The following CHIC2 variants were observed in gnomAD, a reference collection of about 807,000 sequenced individuals.
The protein encoded by CHIC2 is cysteine rich hydrophobic domain 2, also known as cysteine-rich hydrophobic domain-containing protein 2.
CHIC2 carries 14 observed loss-of-function variants against 25.9 expected under a neutral mutation model. The ratio of observed to expected loss-of-function variants is 0.54; its 90% confidence interval spans 0.36 to 0.85. The LOEUF is 0.85. Among genes scored for constraint, CHIC2 ranks in the 40% least tolerant of loss-of-function variants. The probability of loss-of-function intolerance (pLI) is 0.01; values close to 1 mark genes in which losing one functional copy is unlikely to be tolerated. For synonymous variants in CHIC2, 70 were observed against 72.0 expected (o/e 0.97, Z 0.14); for missense variants, 146 against 202.0 (o/e 0.72, Z 1.68).
chr4:54,019,475 G>A (rs765912967), intron 3 of CHIC2, among the ~76,000 whole-genome samples: 3 of 151,996 alleles, frequency 2.0e-5, no homozygotes, highest in Non-Finnish European at 4.4e-5. Context: ...CTCTAGTACT[G>A]AGCAGTGTCT....
At chr4:54,067,325 T>G (rs1255795263), upstream of CHIC2, among the ~76,000 whole-genome samples, 1 of 150,556 alleles carries the variant, frequency 6.6e-6, no homozygotes, top group African/African-American at 2.4e-5. Context: ...TGTGTGTGTT[T>G]TCTTCTTTTT....
At chr4:54,079,335 T>C in the CHIC2 span, among the ~76,000 whole-genome samples, 1 of 152,088 alleles carries the variant, frequency 6.6e-6, no homozygotes, top group Non-Finnish European at 1.5e-5. Context: ...GGGGAAAATT[T>C]CCTTGACGTT....
At chr4:54,038,284 A>G (rs1716453778) in intron 3 of CHIC2, among the ~76,000 whole-genome samples, 1 of 152,216 alleles carries the variant, frequency 6.6e-6, no homozygotes, top group African/African-American at 2.4e-5. Flanking sequence ...GTTGAAGGAC[A>G]TGACGTTAAT....
chr4:54,074,129 G>C, the CHIC2 span, among the ~76,000 whole-genome samples: 1 of 152,038 alleles, frequency 6.6e-6, no homozygotes, highest in Non-Finnish European at 1.5e-5. Flanking sequence ...CTGCACTCCA[G>C]TCCGGGTGAC....
upstream of CHIC2, among the ~76,000 whole-genome samples, chr4:54,068,495 A>G (rs373546356): frequency 2.3e-4 from 35 of 152,314 alleles, no homozygotes; most frequent in East Asian, 4.0e-3. Flanking sequence ...AGCTATGAGA[A>G]ATAAATGTTT....
intron 1 of CHIC2, among the ~76,000 whole-genome samples, chr4:54,054,758 AAC>A (rs1226104357): frequency 6.6e-6 from 1 of 152,254 alleles, no homozygotes; most frequent in African/African-American, 2.4e-5. Flanking sequence ...AGATAACATT[AAC>A]TAACTCAATC....
chr4:54,043,385 C>T (rs866356203), intron 3 of CHIC2, among the ~76,000 whole-genome samples: 8 of 145,872 alleles, frequency 5.5e-5, no homozygotes, highest in African/African-American at 2.1e-4. Flanking sequence ...CATGCCACTG[C>T]ACTCCAGCCT....
At chr4:54,050,067 A>T (rs536552863) in intron 1 of CHIC2, among the ~76,000 whole-genome samples, 1 of 152,288 alleles carries the variant, frequency 6.6e-6, no homozygotes, top group Admixed American at 6.5e-5. Context: ...TTTATCTATC[A>T]GAAGTCTACC....
chr4:54,027,935 A>C (rs1179102324), intron 3 of CHIC2, among the ~76,000 whole-genome samples: 2 of 152,224 alleles, frequency 1.3e-5, no homozygotes, highest in African/African-American at 4.8e-5. Flanking sequence ...AAACAGAAGC[A>C]AAGGCAATAT....
At chr4:54,053,724 G>C (rs1717078884) in intron 1 of CHIC2, among the ~76,000 whole-genome samples, 1 of 151,210 alleles carries the variant, frequency 6.6e-6, no homozygotes, top group Non-Finnish European at 1.5e-5. Context: ...TGTGTCATTT[G>C]TTTTTTTTTA....
At chr4:54,079,133 C>T in the CHIC2 span, among the ~76,000 whole-genome samples, 1 of 151,992 alleles carries the variant, frequency 6.6e-6, no homozygotes, top group Non-Finnish European at 1.5e-5. Context: ...AGGAGAATTG[C>T]TTGAACCTGG....
At chr4:54,069,268 TC>T (rs1717573877), upstream of CHIC2, among the ~76,000 whole-genome samples, 1 of 152,130 alleles carries the variant, frequency 6.6e-6, no homozygotes, top group Non-Finnish European at 1.5e-5. Context: ...GCTCAAGTAA[TC>T]TACCCACCTT....
intron 3 of CHIC2, among the ~76,000 whole-genome samples, chr4:54,024,172 G>A (rs1170365958): frequency 2.0e-5 from 3 of 152,130 alleles, no homozygotes; most frequent in Non-Finnish European, 2.9e-5. Flanking sequence ...CTTGGACCAA[G>A]GAAAATATCT....
At chr4:54,044,111 A>C (rs553545195) in intron 3 of CHIC2, among the ~76,000 whole-genome samples, 4 of 152,354 alleles carry the variant, frequency 2.6e-5, no homozygotes, top group African/African-American at 9.6e-5. Flanking sequence ...TAACTATCCT[A>C]AATATACATG....
chr4:54,070,742 C>T, the CHIC2 span, among the ~76,000 whole-genome samples: 7 of 152,198 alleles, frequency 4.6e-5, no homozygotes, highest in African/African-American at 1.7e-4. Flanking sequence ...TTTTTAAATC[C>T]CCAAGTGGGA....
chr4:54,037,837 T>G (rs1458268969), intron 3 of CHIC2, among the ~76,000 whole-genome samples: 3 of 151,906 alleles, frequency 2.0e-5, no homozygotes, highest in Non-Finnish European at 4.4e-5. Flanking sequence ...CACAAATACT[T>G]TGAACCAAAA....
chr4:54,014,027 C>A (rs371194699), intron 4 of CHIC2, 36 bp downstream of exon 4: 12 of 1,608,302 alleles, frequency 7.5e-6, no homozygotes, highest in Non-Finnish European at 1.0e-5. Context: ...GCAATTCAGA[C>A]CCCAACAGTA....
the CHIC2 span, among the ~76,000 whole-genome samples, chr4:54,081,477 G>T: frequency 6.6e-6 from 1 of 151,980 alleles, no homozygotes; most frequent in Non-Finnish European, 1.5e-5. Flanking sequence ...ACTTCAATTT[G>T]ATGTAGTCAA....
rs1448938412 is a variant in CHIC2 at position 54,030,573 on chromosome 4, C to A, written c.331-16454G>T. 1.9e-4 allele frequency among the ~76,000 whole-genome samples: 28 copies of A among 145,224 alleles called. No individual in the cohort carries two copies. The Admixed American group carries it at 1.9e-3, about 10-fold the overall frequency. ...ATATGTATACACACACACACACACA[C>A]ATATACAATATATAAATGTATAAAT... On this transcript the variant is annotated intron_variant, in intron 3 of 5. Transcript: ENST00000263921.
Sources: gnomAD v4.1 joint callset for allele counts (sites outside exome capture counted in the v4.1 genomes callset) on GRCh38, gnomAD v4.1.1 for gene constraint, MANE v1.5 for transcripts, NCBI Gene and HGNC (gene_info 2026-07-23, HGNC 2026-07-21) for gene names.